The following CSMD1 variants were observed in gnomAD, a reference collection of about 807,000 sequenced individuals.
CSMD1 encodes the protein CUB and sushi domain-containing protein 1.
Under a neutral mutation model 417.5 loss-of-function variants are expected in CSMD1, and 213 were observed. The ratio of observed to expected loss-of-function variants is 0.51; its 90% CI spans 0.46 to 0.57. The LOEUF (loss-of-function observed/expected upper bound fraction) is 0.57. Among genes scored for constraint, CSMD1 ranks in the 20% least tolerant of loss-of-function variants. The pLI, the probability that CSMD1 is intolerant of heterozygous loss-of-function variation, is 0.00. For synonymous variants in CSMD1, 2,862 were observed against 1,736.8 expected (o/e 1.65, Z -16.11); for missense variants, 6,923 against 4,529.7 (o/e 1.53, Z -15.17).
At chr8:4,739,714 C>A (rs1464210090) in intron 1 of CSMD1, among the ~76,000 whole-genome samples, 1 of 152,158 alleles carries the variant, frequency 6.6e-6, no homozygotes, top group Non-Finnish European at 1.5e-5. Context: ...TAGCACTTTA[C>A]TAGGAGCTCG....
intron 2 of CSMD1, among the ~76,000 whole-genome samples, chr8:4,581,300 G>A (rs1799406703): frequency 6.6e-6 from 1 of 152,132 alleles, no homozygotes; most frequent in Non-Finnish European, 1.5e-5. Flanking sequence ...GACACATGCA[G>A]AGGAAGTAAT....
Position 3,038,142 on chromosome 8 carries a change from C to T in CSMD1, c.7661-8629G>A, listed in dbSNP as rs371222864. Among the ~76,000 whole-genome samples the T allele has an allele frequency of 4.6e-4, 70 of 152,228 alleles. 1 individual carries two copies. The highest frequency in any genetic ancestry group is 1.6e-3 in the African/African-American group (65 of 41,536). Reference sequence around the variant, plus strand: ...CCATGTTAAATAAATAGTGTTCCAACGCTATCGGTAGCCTAAAGGCAAACC... The same window carrying T: ...CCATGTTAAATAAATAGTGTTCCAATGCTATCGGTAGCCTAAAGGCAAACC... On this transcript the variant is annotated intron_variant, in intron 50 of 69. Transcript: ENST00000635120.
At chr8:4,714,091 G>C (rs1808486596) in intron 1 of CSMD1, among the ~76,000 whole-genome samples, 1 of 152,048 alleles carries the variant, frequency 6.6e-6, no homozygotes, top group Non-Finnish European at 1.5e-5. Flanking sequence ...GTTGCAGTGA[G>C]CCAAGATCAT....
At position 4,637,760 on chromosome 8, in the gene CSMD1, T is replaced by A. The variant is rs1005256106; in HGVS notation, c.86-202A>T. On this transcript the variant is annotated intron_variant, in intron 1 of 69. Transcript: ENST00000635120. ...ATCTCAGCTCACTGCAAGCTCCGCT[T>A]CCCGGGTTCACGCCATTCTCCTGCC... is the stretch of plus-strand genomic sequence containing the variant. Among the ~76,000 whole-genome samples the A allele has an allele frequency of 2.1e-5, 3 of 143,276 alleles. No homozygotes were observed. The Admixed American group carries it at 2.3e-4, about 11-fold the overall frequency. 94.0% of individuals were successfully genotyped at this position (143,276 alleles called of 152,430 possible). A position where few individuals can be genotyped will look rare whatever the true frequency, so the allele number is the denominator to read the frequency against.
At chr8:4,183,423 G>C (rs866238590) in intron 3 of CSMD1, among the ~76,000 whole-genome samples, 2 of 152,098 alleles carry the variant, frequency 1.3e-5, no homozygotes, top group Non-Finnish European at 2.9e-5. Context: ...AACATACTGT[G>C]GGTCACAGCT....
intron 2 of CSMD1, among the ~76,000 whole-genome samples, chr8:4,484,638 A>T (rs942167525): frequency 3.9e-5 from 6 of 152,086 alleles, no homozygotes; most frequent in Non-Finnish European, 4.4e-5. Context: ...AAAGTGAGAC[A>T]CATCTTCCTG....
intron 1 of CSMD1, among the ~76,000 whole-genome samples, chr8:4,956,557 CATATA>C (rs746082485): frequency 9.2e-4 from 137 of 149,278 alleles, no homozygotes; most frequent in African/African-American, 2.1e-3. Flanking sequence ...TATATCATAA[CATATA>C]ATATATTTAA....
chr8:3,770,316 A>G (rs1994053), intron 5 of CSMD1, among the ~76,000 whole-genome samples: 151,357 of 152,290 alleles, frequency 0.99, 75,226 homozygotes, highest in East Asian at 1. Context: ...GGATCACAAG[A>G]TCAGGAGTTC....
At chr8:3,142,443 G>C (rs769139842) in intron 41 of CSMD1, 22 bp downstream of exon 41, 5 of 1,592,278 alleles carry the variant, frequency 3.1e-6, no homozygotes, top group Non-Finnish European at 3.4e-6. Flanking sequence ...TTTGGGTTTC[G>C]GTTCTCGTTG....
chr8:2,981,055 C>T (rs1468727201), intron 54 of CSMD1, among the ~76,000 whole-genome samples: 1 of 152,136 alleles, frequency 6.6e-6, no homozygotes, highest in Non-Finnish European at 1.5e-5. Flanking sequence ...CTTTATGTTC[C>T]TTCCTATTTA....
intron 3 of CSMD1, among the ~76,000 whole-genome samples, chr8:4,103,321 C>T (rs937188059): frequency 6.6e-6 from 1 of 151,158 alleles, no homozygotes; most frequent in African/African-American, 2.4e-5. Flanking sequence ...CAGTGATCAT[C>T]AATATTCTCC....
chr8:3,514,159 G>C (rs924056601), intron 10 of CSMD1, among the ~76,000 whole-genome samples: 3 of 152,180 alleles, frequency 2.0e-5, no homozygotes, highest in African/African-American at 7.2e-5. Context: ...CTCCCAGGAA[G>C]CTGTCATAGC....
In CSMD1 at chr8:4,618,523, C is replaced by T. The variant is rs372988416; in HGVS notation, c.302+18819G>A. Among the ~76,000 whole-genome samples, 31 of 151,838 alleles carry T rather than the reference C, an allele frequency of 2.0e-4. No individual in the cohort carries two copies. The South Asian group carries it at 6.4e-3, about 31-fold the overall frequency. On this transcript the variant is annotated intron_variant, in intron 2 of 69. Transcript: ENST00000635120. ...TCAGAGAATAAGTTTTTCTCTAGCT[C>T]TGTGTACATATTTATTTCTTGATTC... is the stretch of plus-strand genomic sequence containing the variant.
chr8:3,556,552 C>CACACACCCT lies in CSMD1; in HGVS notation c.1344+18392_1344+18393insAGGGTGTGT, dbSNP rs1554468421. 6.6e-3 allele frequency among the ~76,000 whole-genome samples: 920 copies of CACACACCCT among 139,716 alleles called. 11 individuals carry two copies. Among genetic ancestry groups the CACACACCCT allele is most frequent in the African/African-American group, 0.024 (875 of 36,544 alleles). 91.7% of individuals were successfully genotyped at this position (139,716 alleles called of 152,430 possible). ...CACACACACACACACACACACACAC[C>CACACACCCT]CTCTCTCTCTTTCAGAAATGGAAAA... On this transcript the variant is annotated intron_variant, in intron 10 of 69. Coordinates refer to ENST00000635120, the MANE Select transcript of CSMD1 (RefSeq NM_033225.6).
intron 3 of CSMD1, among the ~76,000 whole-genome samples, chr8:4,054,600 G>A (rs952527002): frequency 5.3e-5 from 8 of 152,116 alleles, no homozygotes; most frequent in African/African-American, 1.9e-4. Flanking sequence ...TTGTGGAGGT[G>A]TATTTAGCTT....
chr8:3,976,408 T>G (rs745630844), intron 5 of CSMD1, among the ~76,000 whole-genome samples: 27 of 152,200 alleles, frequency 1.8e-4, no homozygotes, highest in Admixed American at 6.5e-4. Context: ...CTTCTTCTAC[T>G]AGCATGAGCT....
chr8:4,275,262 C>A (rs1306513873), intron 3 of CSMD1, among the ~76,000 whole-genome samples: 2 of 152,054 alleles, frequency 1.3e-5, no homozygotes, highest in Admixed American at 6.6e-5. Flanking sequence ...GAAATGAAAG[C>A]AATATGACTT....
At chr8:3,784,729 G>A (rs1187903162) in intron 5 of CSMD1, among the ~76,000 whole-genome samples, 1 of 152,120 alleles carries the variant, frequency 6.6e-6, no homozygotes, top group Non-Finnish European at 1.5e-5. Flanking sequence ...ACAAATGGTG[G>A]CAGACACCAA....
At chr8:4,967,067 C>T (rs965460752) in intron 1 of CSMD1, among the ~76,000 whole-genome samples, 3 of 152,024 alleles carry the variant, frequency 2.0e-5, no homozygotes, top group Admixed American at 1.3e-4. Flanking sequence ...AAGGCTAATT[C>T]AATTAGTCAC....
Sources: allele counts gnomAD v4.1 joint callset (sites outside exome capture counted in the v4.1 genomes callset), GRCh38; gene constraint gnomAD v4.1.1; transcripts MANE v1.5; gene names NCBI Gene and HGNC (gene_info 2026-07-23, HGNC 2026-07-21).